Variants in DGKI observed in about 807,000 individuals in gnomAD.
DGKI encodes DAG kinase iota.
Under a neutral mutation model 147.5 loss-of-function variants are expected in DGKI, and 55 were observed. The observed-to-expected ratio is 0.37, with a 90% confidence interval of 0.30 to 0.47. The LOEUF is 0.47. Ranked by LOEUF, DGKI falls within the 20% of genes least tolerant of loss-of-function variation. DGKI has a pLI of 1.00. For missense variants in DGKI, 1,007 were observed against 1,323.8 expected (o/e 0.76, Z 3.71); for synonymous variants, 469 against 477.1 (o/e 0.98, Z 0.22).
chr7:137,591,133 A>G (rs1819594112), intron 12 of DGKI, among the ~76,000 whole-genome samples: 1 of 152,190 alleles, frequency 6.6e-6, no homozygotes, highest in African/African-American at 2.4e-5. Context: ...TGGATTTCTC[A>G]CCATCTCTTC....
chr7:137,478,535 A>C (rs1440754278), intron 23 of DGKI, among the ~76,000 whole-genome samples: 1 of 152,204 alleles, frequency 6.6e-6, no homozygotes, highest in Non-Finnish European at 1.5e-5. Flanking sequence ...TCTCGTTACT[A>C]ATCCACACAG....
chr7:137,763,664 G>A (rs868453568), intron 1 of DGKI, among the ~76,000 whole-genome samples: 3 of 152,120 alleles, frequency 2.0e-5, no homozygotes, highest in East Asian at 3.9e-4. Flanking sequence ...TATTATCCAC[G>A]ATTCTCCAAA....
chr7:137,527,489 A>T (rs1817190968), intron 20 of DGKI, among the ~76,000 whole-genome samples: 1 of 151,976 alleles, frequency 6.6e-6, no homozygotes, highest in Admixed American at 6.6e-5. Context: ...GAATGTTTGC[A>T]AGTTTTTTTT....
At chr7:137,457,622 C>T (rs888920499) in intron 27 of DGKI, among the ~76,000 whole-genome samples, 1 of 151,904 alleles carries the variant, frequency 6.6e-6, no homozygotes, top group Non-Finnish European at 1.5e-5. Flanking sequence ...ACTAAAAAGG[C>T]CAGTTTTTCA....
At chr7:137,573,772 G>A (rs944105656) in intron 17 of DGKI, among the ~76,000 whole-genome samples, 1 of 152,208 alleles carries the variant, frequency 6.6e-6, no homozygotes, top group African/African-American at 2.4e-5. Context: ...AAGGGTCTCA[G>A]CCTAGCTTGG....
At chr7:137,529,011 T>C (rs1465342015) in intron 20 of DGKI, among the ~76,000 whole-genome samples, 1 of 152,192 alleles carries the variant, frequency 6.6e-6, no homozygotes, top group Non-Finnish European at 1.5e-5. Context: ...CAAAGAAATA[T>C]TTGCTGCCTT....
intron 1 of DGKI, among the ~76,000 whole-genome samples, chr7:137,772,929 G>A (rs1400141256): frequency 6.6e-6 from 1 of 152,222 alleles, no homozygotes; most frequent in African/African-American, 2.4e-5. Context: ...CAATGGGGGT[G>A]GAGAGAGGAA....
chr7:137,814,909 C>T (rs1215374156), intron 1 of DGKI, among the ~76,000 whole-genome samples: 1 of 152,118 alleles, frequency 6.6e-6, no homozygotes, highest in Admixed American at 6.5e-5. Flanking sequence ...TACACTCCTT[C>T]AGCAGCAATT....
chr7:137,692,231 G>A (rs1266236749), intron 1 of DGKI, among the ~76,000 whole-genome samples: 1 of 152,026 alleles, frequency 6.6e-6, no homozygotes, highest in African/African-American at 2.4e-5. Context: ...GCTCTGTATG[G>A]GGACTCTGAG....
At chr7:137,824,351 T>C (rs1309002688) in intron 1 of DGKI, among the ~76,000 whole-genome samples, 1 of 151,962 alleles carries the variant, frequency 6.6e-6, no homozygotes, top group African/African-American at 2.4e-5. Flanking sequence ...ACCCCGTCTC[T>C]ACTAAAAATA....
chr7:137,611,099 C>T (rs1032152694), intron 8 of DGKI, among the ~76,000 whole-genome samples: 1 of 152,122 alleles, frequency 6.6e-6, no homozygotes, highest in Non-Finnish European at 1.5e-5. Flanking sequence ...TTTATCATGT[C>T]CCTCACTGAG....
At chr7:137,607,106 C>A (rs926124360) in intron 10 of DGKI, among the ~76,000 whole-genome samples, 2 of 152,170 alleles carry the variant, frequency 1.3e-5, no homozygotes, top group Admixed American at 1.3e-4. Flanking sequence ...CAGGAATCTG[C>A]CACAGTAAAG....
Position 137,529,132 on chromosome 7 carries a change from C to T in DGKI, c.2148-7166G>A, listed in dbSNP as rs79567048. ...AATTTTCTGGAGATCTTCAAAGTCACATTGTAATTAAAATTTTAAAGCCTC... is the reference window on the plus strand; with the variant it reads ...AATTTTCTGGAGATCTTCAAAGTCATATTGTAATTAAAATTTTAAAGCCTC... On this transcript the variant is annotated intron_variant, in intron 20 of 32. Coordinates refer to ENST00000614521, the MANE Select transcript of DGKI (RefSeq NM_001321708.2). Among the ~76,000 whole-genome samples, 1,386 of 152,210 alleles carry T rather than the reference C, an allele frequency of 9.1e-3. 18 individuals carry two copies. The highest frequency in any genetic ancestry group is 0.032 in the African/African-American group (1,328 of 41,552).
At chr7:137,606,203 T>G (rs1324217172) in intron 10 of DGKI, among the ~76,000 whole-genome samples, 1 of 152,168 alleles carries the variant, frequency 6.6e-6, no homozygotes. Context: ...AAAATGTTTT[T>G]CTTACACAAG....
chr7:137,738,405 T>A (rs139823205), intron 1 of DGKI, among the ~76,000 whole-genome samples: 1 of 152,236 alleles, frequency 6.6e-6, no homozygotes, highest in Non-Finnish European at 1.5e-5. Flanking sequence ...TGAAGAGCAT[T>A]TATAAGAAGG....
intron 27 of DGKI, among the ~76,000 whole-genome samples, chr7:137,459,631 C>T (rs917944360): frequency 4.6e-5 from 7 of 151,684 alleles, no homozygotes; most frequent in African/African-American, 1.7e-4. Context: ...CCCGCCACCA[C>T]GCCCGGCTAA....
intron 21 of DGKI, among the ~76,000 whole-genome samples, chr7:137,512,302 C>T (rs1335266698): frequency 6.6e-6 from 1 of 152,132 alleles, no homozygotes; most frequent in African/African-American, 2.4e-5. Flanking sequence ...TATACAACAG[C>T]CCTCTGTAAA....
chr7:137,574,030 G>C (rs1235737480), intron 17 of DGKI, among the ~76,000 whole-genome samples: 1 of 152,110 alleles, frequency 6.6e-6, no homozygotes, highest in Non-Finnish European at 1.5e-5. Context: ...TTCTCATTTG[G>C]AGAGAGGAGC....
At chr7:137,520,202 G>A (rs1816914516) in intron 21 of DGKI, among the ~76,000 whole-genome samples, 1 of 152,084 alleles carries the variant, frequency 6.6e-6, no homozygotes, top group South Asian at 2.1e-4. Context: ...AATTTCAAAT[G>A]TGTCCCCACT....
Sources: gnomAD v4.1 joint callset for allele counts (sites outside exome capture counted in the v4.1 genomes callset) on GRCh38, gnomAD v4.1.1 for gene constraint, MANE v1.5 for transcripts, NCBI Gene and HGNC (gene_info 2026-07-23, HGNC 2026-07-21) for gene names.